The following ARHGEF12 variants were observed in gnomAD, a reference collection of about 807,000 sequenced individuals.
The protein encoded by ARHGEF12 is Rho guanine nucleotide exchange factor 12.
A neutral mutation model predicts 211.2 loss-of-function variants in ARHGEF12; 66 were observed. The observed-to-expected ratio is 0.31, with a 90% CI of 0.26 to 0.38. ARHGEF12 has a LOEUF of 0.38. ARHGEF12 is among the 10% of genes least tolerant of loss of function. The probability of loss-of-function intolerance (pLI) is 1.00; values close to 1 mark genes in which losing one functional copy is unlikely to be tolerated. For synonymous variants in ARHGEF12, 592 were observed against 638.4 expected (o/e 0.93, Z 1.09); for missense variants, 1,429 against 1,869.5 (o/e 0.76, Z 4.34).
chr11:120,421,949 A>G (rs1945205448), intron 6 of ARHGEF12, 97 bp downstream of exon 6: 1 of 902,210 alleles, frequency 1.1e-6, no homozygotes, highest in African/African-American at 1.7e-5. Context: ...TATAAAAAGC[A>G]TCATACTTCT....
At chr11:120,409,914 TTTTG>T (rs768902983) in intron 4 of ARHGEF12, 25 of 152,564 alleles carry the variant, frequency 1.6e-4, no homozygotes, top group Non-Finnish European at 2.9e-4. Flanking sequence ...TTATTTCATT[TTTTG>T]TTTGTTTATT....
intron 40 of ARHGEF12, among the ~76,000 whole-genome samples, chr11:120,484,851 T>C (rs1381190304): frequency 6.6e-6 from 1 of 152,140 alleles, no homozygotes; most frequent in African/African-American, 2.4e-5. Flanking sequence ...TTTGGCCTTA[T>C]TGGATGTTGG....
chr11:120,470,955 A>G (rs1370704904), intron 30 of ARHGEF12, among the ~76,000 whole-genome samples: 1 of 152,190 alleles, frequency 6.6e-6, no homozygotes, highest in Non-Finnish European at 1.5e-5. Context: ...CTGACATTTT[A>G]CTAAAAACCT....
chr11:120,356,953 G>T (rs1185815093), intron 1 of ARHGEF12, among the ~76,000 whole-genome samples: 1 of 152,014 alleles, frequency 6.6e-6, no homozygotes, highest in Non-Finnish European at 1.5e-5. Context: ...TAAGTAGCAT[G>T]CCTAGTGAGT....
intron 1 of ARHGEF12, among the ~76,000 whole-genome samples, chr11:120,395,581 T>C (rs181992265): frequency 1.1e-4 from 17 of 152,298 alleles, no homozygotes; most frequent in African/African-American, 4.1e-4. Context: ...AGAGGTTTAA[T>C]TGACTCACAG....
At chr11:120,383,808 T>C (rs1181559097) in intron 1 of ARHGEF12, among the ~76,000 whole-genome samples, 2 of 151,988 alleles carry the variant, frequency 1.3e-5, no homozygotes, top group Admixed American at 1.3e-4. Context: ...TGTCCTAGAG[T>C]ACACAGTGAA....
At chr11:120,434,835 CAT>C (rs998884904) in intron 11 of ARHGEF12, among the ~76,000 whole-genome samples, 146 of 152,248 alleles carry the variant, frequency 9.6e-4, no homozygotes, top group African/African-American at 3.4e-3. Context: ...AATTGTTAAA[CAT>C]ATTCAAAAGT....
chr11:120,441,995 T>G (rs997896734), intron 14 of ARHGEF12, 109 bp from the exon 15 acceptor site: 6 of 862,220 alleles, frequency 7.0e-6, no homozygotes, highest in African/African-American at 6.8e-5. Context: ...ATAACTACAT[T>G]GTTTATGGTG....
intron 1 of ARHGEF12, among the ~76,000 whole-genome samples, chr11:120,370,142 A>G (rs911383865): frequency 6.6e-6 from 1 of 152,226 alleles, no homozygotes; most frequent in African/African-American, 2.4e-5. Context: ...TGTTACTATT[A>G]ATAATGAATA....
At chr11:120,427,365 C>G (rs962182868) in intron 7 of ARHGEF12, among the ~76,000 whole-genome samples, 1 of 151,962 alleles carries the variant, frequency 6.6e-6, no homozygotes, top group Non-Finnish European at 1.5e-5. Flanking sequence ...ATTTTATGTT[C>G]TAGCATATTC....
intron 1 of ARHGEF12, among the ~76,000 whole-genome samples, chr11:120,389,943 G>T (rs750017686): frequency 1.3e-5 from 2 of 152,110 alleles, no homozygotes; most frequent in Non-Finnish European, 2.9e-5. Flanking sequence ...AGATACTTAG[G>T]TTGCTTCCAA....
chr11:120,431,744 C>T (rs745676622), intron 10 of ARHGEF12, 27 bp from the exon 11 acceptor site: 8 of 1,546,618 alleles, frequency 5.2e-6, no homozygotes, highest in East Asian at 4.6e-5. Context: ...TGTTTGTGTG[C>T]GCGTGTTTTT....
chr11:120,469,956 A>G (rs919867319), intron 30 of ARHGEF12, among the ~76,000 whole-genome samples: 3 of 152,230 alleles, frequency 2.0e-5, no homozygotes, highest in African/African-American at 7.2e-5. Flanking sequence ...GTGCAACCCT[A>G]GAGGTAGAGG....
rs772765699 is a variant in ARHGEF12, at chr11:120,446,929, A to G, written c.1452-19A>G. 1 of 1,607,396 alleles carries G rather than the reference A, an allele frequency of 6.2e-7. No homozygotes were observed. The highest frequency in any genetic ancestry group is 2.2e-5 in the East Asian group (1 of 44,776). The stretch of plus-strand genomic sequence containing the variant: ...GTTTTTCTTTAGGCTACCTCAGGAA[A>G]CTTCTCTATTCCCTTCAGGCAGAAA... On this transcript the variant is annotated intron_variant, in intron 17 of 40. Transcript: ENST00000397843.
intron 29 of ARHGEF12, 47 bp from the exon 30 acceptor site, chr11:120,469,241 T>G (rs1248174042): frequency 1.5e-5 from 21 of 1,423,936 alleles, no homozygotes; most frequent in Non-Finnish European, 1.9e-5. Context: ...TATTTTATGG[T>G]TTTTTGCTCA....
chr11:120,354,568 G>T (rs1458126615), intron 1 of ARHGEF12, among the ~76,000 whole-genome samples: 1 of 152,178 alleles, frequency 6.6e-6, no homozygotes, highest in African/African-American at 2.4e-5. Flanking sequence ...TAAATGGAGA[G>T]AAAAATTGCT....
At chr11:120,477,043 G>A (rs1947052394) in intron 34 of ARHGEF12, 176 bp from the exon 35 acceptor site, 2 of 635,428 alleles carry the variant, frequency 3.1e-6, no homozygotes, top group South Asian at 2.1e-5. Flanking sequence ...CCTTAATAGT[G>A]TGTTGCCAAA....
chr11:120,351,441 ATATATATATATATATTTTTTTTT>A (rs1219798174), intron 1 of ARHGEF12, among the ~76,000 whole-genome samples: 4 of 4,032 alleles, frequency 9.9e-4, no homozygotes, highest in African/African-American at 6.6e-3. Flanking sequence ...ATATATATAT[ATATATATATATATATTTTTTTTT>A]TTTTTTTTTT....
intron 11 of ARHGEF12, among the ~76,000 whole-genome samples, chr11:120,435,597 C>T (rs993297313): frequency 2.7e-5 from 4 of 150,766 alleles, no homozygotes; most frequent in Non-Finnish European, 4.4e-5. Context: ...TCACTGCAAC[C>T]TCCGCCTCCC....
Sources: allele counts gnomAD v4.1 joint callset (sites outside exome capture counted in the v4.1 genomes callset), GRCh38; gene constraint gnomAD v4.1.1; transcripts MANE v1.5; gene names NCBI Gene and HGNC (gene_info 2026-07-23, HGNC 2026-07-21).